Variants in C2orf42 observed in about 807,000 individuals in gnomAD.
C2orf42 encodes uncharacterized protein C2orf42.
C2orf42 carries 44 observed loss-of-function variants against 58.9 expected under a neutral mutation model. That is an observed-to-expected ratio of 0.75 (90% CI 0.59 to 0.96). The LOEUF is 0.96. C2orf42 is among the 40% of genes least tolerant of loss of function. The pLI is 0.00. For missense variants in C2orf42, 630 were observed against 699.2 expected, an observed-to-expected ratio of 0.90 and a Z score of 1.12; for synonymous variants, 239 against 265.4, an observed-to-expected ratio of 0.90 and a Z score of 0.97.
At chr2:70,153,446 C>T (rs1262767277) in intron 9 of C2orf42, among the ~76,000 whole-genome samples, 1 of 149,698 alleles carries the variant, frequency 6.7e-6, no homozygotes, top group East Asian at 2.0e-4. Context: ...GCAAGCTCTG[C>T]CTCCCAGGTT....
At chr2:70,156,304 A>T (rs1285862332) in intron 9 of C2orf42, among the ~76,000 whole-genome samples, 4 of 152,098 alleles carry the variant, frequency 2.6e-5, no homozygotes, top group Non-Finnish European at 5.9e-5. Flanking sequence ...AAAAACTCAA[A>T]ACCAAGTATA....
At chr2:70,186,344 T>C (rs542217638) in intron 1 of C2orf42, among the ~76,000 whole-genome samples, 4 of 152,252 alleles carry the variant, frequency 2.6e-5, no homozygotes, top group Admixed American at 1.3e-4. Context: ...ATACAATTTG[T>C]ATATATGAAA....
chr2:70,164,893 C>CT (rs1673298258), intron 8 of C2orf42, among the ~76,000 whole-genome samples, 199 bp downstream of exon 8: 1 of 151,976 alleles, frequency 6.6e-6, no homozygotes, highest in East Asian at 1.9e-4. Flanking sequence ...ATTTAAGATA[C>CT]TTTTTTCAAG....
chr2:70,171,262 G>T (rs1261699964), intron 5 of C2orf42, among the ~76,000 whole-genome samples: 1 of 152,114 alleles, frequency 6.6e-6, no homozygotes. Flanking sequence ...GGTGTAGAGT[G>T]AGACCCCATC....
intron 1 of C2orf42, among the ~76,000 whole-genome samples, chr2:70,183,149 C>T (rs1183335120): frequency 1.3e-5 from 2 of 152,074 alleles, no homozygotes; most frequent in African/African-American, 2.4e-5. Context: ...GTCAAGAACA[C>T]TTTAGAGGTC....
intron 9 of C2orf42, among the ~76,000 whole-genome samples, 174 bp downstream of exon 9, chr2:70,160,451 T>C (rs1335730037): frequency 6.6e-6 from 1 of 152,140 alleles, no homozygotes; most frequent in Non-Finnish European, 1.5e-5. Context: ...CCTGTAATTT[T>C]ATTTTTGAAA....
At chr2:70,167,386 A>G (rs1307294271) in intron 6 of C2orf42, among the ~76,000 whole-genome samples, 1 of 151,166 alleles carries the variant, frequency 6.6e-6, no homozygotes, top group Non-Finnish European at 1.5e-5. Flanking sequence ...GAAACTTGTC[A>G]GACATTAGGT....
At chr2:70,157,893 A>G (rs1345575933) in intron 9 of C2orf42, among the ~76,000 whole-genome samples, 1 of 151,918 alleles carries the variant, frequency 6.6e-6, no homozygotes, top group African/African-American at 2.4e-5. Flanking sequence ...AAAACATTTT[A>G]AAATTCCTAA....
At chr2:70,187,155 G>A (rs2103674800) in intron 1 of C2orf42, among the ~76,000 whole-genome samples, 1 of 152,242 alleles carries the variant, frequency 6.6e-6, no homozygotes, top group East Asian at 1.9e-4. Flanking sequence ...GTCATTAAGG[G>A]AGGAGGTGGT....
intron 4 of C2orf42, among the ~76,000 whole-genome samples, chr2:70,177,466 C>T (rs1252580462): frequency 2.0e-5 from 3 of 152,062 alleles, no homozygotes; most frequent in Non-Finnish European, 4.4e-5. Flanking sequence ...AAACATTTAA[C>T]AACAATTTCT....
intron 1 of C2orf42, among the ~76,000 whole-genome samples, chr2:70,189,219 C>G (rs990131849): frequency 6.8e-6 from 1 of 147,874 alleles, no homozygotes; most frequent in Admixed American, 6.9e-5. Flanking sequence ...CCAGCCTGAA[C>G]AACATGGAGA....
rs1674585580 is a variant in C2orf42, at chr2:70,181,704, A to G, written c.282T>C (p.Val94=). 3 of 1,614,136 alleles carry G rather than the reference A, an allele frequency of 1.9e-6. No homozygotes were observed. Among genetic ancestry groups the G allele is most frequent in the Non-Finnish European group, 2.5e-6 (3 of 1,180,036 alleles). ...CCACTGTCTGGATTGTTGTCTCTGA[A>G]ACCCCGAGCTCCACAAAGCATCGGT... ...PDYRCFVELG[V]SETTIQTVDG... The change falls in exon 3 of 10, where the codon GTT becomes GTC. Residue 94 remains valine, a synonymous_variant. Transcript: ENST00000264434.
At position 70,150,578 on chromosome 2, in the gene C2orf42, A is replaced by G; in HGVS notation, c.1517-14T>C. 6.3e-7 allele frequency: 1 copy of G among 1,596,510 alleles called. No homozygotes were observed. Among genetic ancestry groups the G allele is most frequent in the Non-Finnish European group, 8.6e-7 (1 of 1,163,986 alleles). ...GGGAAGTGTTGCCTAAAGAGAAGAA[A>G]GGAGTATTAGTACAATTCCACCTAA... On this transcript the variant is annotated splice_polypyrimidine_tract_variant and intron_variant, in intron 9 of 9. Coordinates refer to ENST00000264434, the MANE Select transcript of C2orf42 (RefSeq NM_017880.3).
At chr2:70,159,712 C>T (rs965322867) in intron 9 of C2orf42, among the ~76,000 whole-genome samples, 4 of 151,992 alleles carry the variant, frequency 2.6e-5, no homozygotes. Context: ...AATTTTTCTT[C>T]TTTTAGTAAA....
intron 2 of C2orf42, among the ~76,000 whole-genome samples, 188 bp from the exon 3 acceptor site, chr2:70,182,185 C>T (rs757107715): frequency 3.3e-5 from 5 of 152,076 alleles, no homozygotes; most frequent in South Asian, 2.1e-4. Context: ...CTGCAACCTC[C>T]GCCTCCTGGG....
chr2:70,189,861 T>TAA (rs545729870), intron 1 of C2orf42, among the ~76,000 whole-genome samples: 5 of 143,264 alleles, frequency 3.5e-5, no homozygotes, highest in African/African-American at 1.0e-4. Context: ...CCCTGTCTCT[T>TAA]AAAAAAAAAA....
rs575305232 is a variant in C2orf42 at position 70,188,718 on chromosome 2, C to A, written c.-282+2255G>T. On this transcript the variant is annotated intron_variant, in intron 1 of 9. Coordinates refer to ENST00000264434, the MANE Select transcript of C2orf42 (RefSeq NM_017880.3). ...CTGTTTCTGGATCAAATCCAAGATA[C>A]CACATTGCATTGAGTCATCACGTCT... Among the ~76,000 whole-genome samples the A allele has an allele frequency of 3.3e-5, 5 of 152,216 alleles. No individual in the cohort carries two copies. The East Asian group carries it at 5.8e-4, about 18-fold the overall frequency.
At chr2:70,151,742 A>G (rs1263845492) in intron 9 of C2orf42, among the ~76,000 whole-genome samples, 1 of 152,170 alleles carries the variant, frequency 6.6e-6, no homozygotes, top group East Asian at 1.9e-4. Context: ...TCTCAGCACT[A>G]CTAAATCTTT....
chr2:70,150,570 G>C lies in C2orf42; in HGVS notation c.1517-6C>G, dbSNP rs1465314678. On this transcript the variant is annotated splice_region_variant and splice_polypyrimidine_tract_variant and intron_variant, in intron 9 of 9. Transcript: ENST00000264434. ...TTGATCTGGGGAAGTGTTGCCTAAA[G>C]AGAAGAAAGGAGTATTAGTACAATT... The C allele has an allele frequency of 1.2e-6, 2 of 1,602,324 alleles. No homozygotes were observed. Among genetic ancestry groups the C allele is most frequent in the Non-Finnish European group, 1.7e-6 (2 of 1,169,360 alleles).
Sources: gnomAD v4.1 joint callset for allele counts (sites outside exome capture counted in the v4.1 genomes callset) on GRCh38, gnomAD v4.1.1 for gene constraint, MANE v1.5 for transcripts, NCBI Gene and HGNC (gene_info 2026-07-23, HGNC 2026-07-21) for gene names.